Variants in DST observed in about 807,000 individuals in gnomAD.
DST encodes bullous pemphigoid antigen.
Under a neutral mutation model 875.2 loss-of-function variants are expected in DST, and 253 were observed. That is an observed-to-expected ratio of 0.29 (90% CI 0.26 to 0.32). The LOEUF (loss-of-function observed/expected upper bound fraction) is 0.32. Ranked by LOEUF, DST falls within the 10% of genes least tolerant of loss-of-function variation. The pLI is 1.00. For missense variants in DST, 8,287 were observed against 9,111.6 expected (o/e 0.91, Z 3.68); for synonymous variants, 3,124 against 3,197.1 (o/e 0.98, Z 0.77).
In DST at chr6:56,553,522, G is replaced by A. The variant is rs759697752; in HGVS notation, c.15270C>T (p.Leu5090=). The A allele has an allele frequency of 1.9e-5, 31 of 1,613,876 alleles. No homozygotes were observed. Among genetic ancestry groups the A allele is most frequent in the Middle Eastern group, 1.6e-4 (1 of 6,062 alleles). The change falls in exon 61 of 104, where the codon CTC becomes CTT. Residue 5090 remains leucine (L), a synonymous_variant. Transcript: ENST00000680361. ...QNKSHPISAK[L]DVLESLIKDH... ...CTTTAATTAATGACTCCAAGACATCGAGTTTGGCAGATATTGGATGAGATT... is the reference window on the plus strand; with the variant it reads ...CTTTAATTAATGACTCCAAGACATCAAGTTTGGCAGATATTGGATGAGATT...
At chr6:56,674,178 G>A (rs1457241653) in intron 9 of DST, among the ~76,000 whole-genome samples, 3 of 152,124 alleles carry the variant, frequency 2.0e-5, no homozygotes, top group Non-Finnish European at 4.4e-5. Flanking sequence ...AAAACCCGGA[G>A]GCAATGTAGT....
At chr6:56,509,947 C>A in intron 73 of DST, 74 bp from the exon 74 acceptor site, 17 of 1,180,582 alleles carry the variant, frequency 1.4e-5, no homozygotes, top group Non-Finnish European at 2.0e-5. Flanking sequence ...AATGAAAAAA[C>A]ATTTTTTACA....
chr6:56,930,218 T>A (rs1809446767), intron 2 of DST, among the ~76,000 whole-genome samples: 2 of 152,250 alleles, frequency 1.3e-5, no homozygotes, highest in Non-Finnish European at 2.9e-5. Flanking sequence ...ATCTTGGTTT[T>A]TCAGGGCCCT....
chr6:56,892,120 C>T (rs983977522), intron 3 of DST, among the ~76,000 whole-genome samples: 1 of 152,218 alleles, frequency 6.6e-6, no homozygotes, highest in Admixed American at 6.5e-5. Flanking sequence ...GATCACACTA[C>T]TCACCTATTA....
At chr6:56,529,383 T>A (rs2152511341) in intron 66 of DST, 65 bp downstream of exon 66, 1 of 1,257,762 alleles carries the variant, frequency 8.0e-7, no homozygotes, top group East Asian at 2.6e-5. Context: ...TGTACAGAAA[T>A]AAGGACTAAG....
intron 5 of DST, among the ~76,000 whole-genome samples, chr6:56,726,314 C>A (rs1043902480): frequency 1.3e-4 from 20 of 152,130 alleles, no homozygotes; most frequent in Admixed American, 1.2e-3. Context: ...TCTCTGAATT[C>A]TCCCTCAGGT....
Position 56,458,158 on chromosome 6 carries a change from T to C in DST, c.*847A>G, listed in dbSNP as rs1254869946. 1.3e-5 allele frequency: 2 copies of C among 152,620 alleles called. No individual in the cohort carries two copies. Among genetic ancestry groups the C allele is most frequent in the African/African-American group, 4.8e-5 (2 of 41,442 alleles). The allele number at this position is 152,620 out of a possible 1,614,324, so 9.5% of individuals were successfully genotyped here. A position where few individuals can be genotyped will look rare whatever the true frequency, so the allele number is the denominator to read the frequency against. ...CAAAATAAACCCATTTTTAAGTATCTTTTGGTCACTCCAAATTGATATTGC... is the reference window on the plus strand; with the variant it reads ...CAAAATAAACCCATTTTTAAGTATCCTTTGGTCACTCCAAATTGATATTGC... On this transcript the variant is annotated 3_prime_UTR_variant, in exon 104 of 104. Transcript: ENST00000680361.
At chr6:56,520,869 C>T (rs1206954512) in intron 69 of DST, among the ~76,000 whole-genome samples, 3 of 152,048 alleles carry the variant, frequency 2.0e-5, no homozygotes, top group Non-Finnish European at 2.9e-5. Flanking sequence ...TACACTCCCA[C>T]AAGCAGTGTT....
At chr6:56,753,687 T>C (rs1369345423) in intron 4 of DST, among the ~76,000 whole-genome samples, 1 of 152,044 alleles carries the variant, frequency 6.6e-6, no homozygotes, top group East Asian at 1.9e-4. Flanking sequence ...CTAATCTCTA[T>C]CTACTTTAGT....
intron 3 of DST, among the ~76,000 whole-genome samples, chr6:56,856,743 G>T (rs907956618): frequency 2.0e-4 from 30 of 152,266 alleles, no homozygotes; most frequent in Admixed American, 1.8e-3. Context: ...ATGGAACTGG[G>T]TTGTTTATTA....
chr6:56,791,323 T>C (rs2099722754), intron 4 of DST, among the ~76,000 whole-genome samples: 1 of 152,138 alleles, frequency 6.6e-6, no homozygotes. Context: ...ACTGAGACAC[T>C]GTATTGTGTA....
intron 4 of DST, among the ~76,000 whole-genome samples, chr6:56,750,581 T>G (rs557908152): frequency 2.0e-4 from 30 of 152,172 alleles, no homozygotes; most frequent in African/African-American, 7.0e-4. Flanking sequence ...TTCTAGTCCC[T>G]AAGACAAAAA....
intron 4 of DST, among the ~76,000 whole-genome samples, chr6:56,761,859 A>AAATAT (rs1235175024): frequency 6.6e-6 from 1 of 152,218 alleles, no homozygotes; most frequent in Non-Finnish European, 1.5e-5. Flanking sequence ...TATATATAGA[A>AAATAT]ACTTGATTTA....
chr6:56,485,982 T>A (rs1278977570), intron 87 of DST, among the ~76,000 whole-genome samples: 3 of 152,114 alleles, frequency 2.0e-5, no homozygotes, highest in African/African-American at 7.2e-5. Flanking sequence ...CAGGACTTTA[T>A]TTTTTTGTCT....
Position 56,482,479 on chromosome 6 carries a change from A to T in DST, c.21402+204T>A, listed in dbSNP as rs2095434072. On this transcript the variant is annotated intron_variant, in intron 89 of 103. Transcript: ENST00000680361. ...TTACTCACGCAGCACTTGTATGTGA[A>T]GATTAGAATGCCTCCCTCTAGCAGT... 23 of 549,128 alleles carry T rather than the reference A, an allele frequency of 4.2e-5. No individual in the cohort carries two copies. In the South Asian group the frequency reaches 7.4e-4, roughly 18 times the overall value. 34.0% of individuals were successfully genotyped at this position (549,128 alleles called of 1,614,324 possible).
chr6:56,651,520 T>C (rs1219007803), intron 10 of DST, among the ~76,000 whole-genome samples: 1 of 152,224 alleles, frequency 6.6e-6, no homozygotes, highest in Admixed American at 6.5e-5. Context: ...ATATGAGTAT[T>C]TGTCCTATTC....
chr6:56,527,657 C>T lies in DST; in HGVS notation c.17758G>A (p.Asp5920Asn). 1 of 1,613,792 alleles carries T rather than the reference C, an allele frequency of 6.2e-7. No homozygotes were observed. The highest frequency in any genetic ancestry group is 8.5e-7 in the Non-Finnish European group (1 of 1,179,816). Residue 5920 changes from aspartate to asparagine, a missense_variant, in exon 68 of 104, where the codon GAT becomes AAT. Physicochemically the swap from Asp to Asn is conservative, Grantham distance 23. Transcript: ENST00000680361. ...RYKDITKLST[D>N]VAKTLEQALQ... ...GCCTGTTCCAGAGTCTTGGCCACAT[C>T]AGTGCTCAGTTTAGTAATGTCTTTG...
rs752757080 is a variant in DST at position 56,504,114 on chromosome 6, G to A, written c.19465-16C>T. The A allele has an allele frequency of 1.1e-5, 17 of 1,566,570 alleles. No homozygotes were observed. The highest frequency in any genetic ancestry group is 4.6e-5 in the South Asian group (4 of 87,814). ...CAAATACCGCCTGAAAGACACATTC[G>A]CCCACGTGTTGTTACAACAGTACAT... is the stretch of plus-strand genomic sequence containing the variant. On this transcript the variant is annotated splice_polypyrimidine_tract_variant and intron_variant, in intron 77 of 103. Transcript: ENST00000680361.
At chr6:56,482,628 T>C in intron 89 of DST, 55 bp downstream of exon 89, 2 of 1,549,602 alleles carry the variant, frequency 1.3e-6, no homozygotes, top group South Asian at 1.2e-5. Flanking sequence ...ATAGTTCTTG[T>C]TGAGGTTTCA....
Sources: allele counts gnomAD v4.1 joint callset (sites outside exome capture counted in the v4.1 genomes callset), GRCh38; gene constraint gnomAD v4.1.1; transcripts MANE v1.5; gene names NCBI Gene and HGNC (gene_info 2026-07-23, HGNC 2026-07-21).